Variants in ZDHHC21 observed in about 807,000 individuals in gnomAD.
ZDHHC21 encodes zDHHC palmitoyltransferase 21.
A neutral mutation model predicts 34.6 loss-of-function variants in ZDHHC21; 15 were observed. The ratio of observed to expected loss-of-function variants is 0.43; its 90% confidence interval spans 0.29 to 0.67. The LOEUF is 0.67. ZDHHC21 is among the 30% of genes least tolerant of loss of function. The probability of loss-of-function intolerance (pLI) is 0.14; values close to 1 mark genes in which losing one functional copy is unlikely to be tolerated. For synonymous variants in ZDHHC21, 142 were observed against 101.8 expected (o/e 1.40, Z -2.38); for missense variants, 344 against 327.7 (o/e 1.05, Z -0.38).
At chr9:14,596,152 T>A in the ZDHHC21 span, among the ~76,000 whole-genome samples, 1 of 152,186 alleles carries the variant, frequency 6.6e-6, no homozygotes, top group Non-Finnish European at 1.5e-5. Context: ...TAGAACAAAA[T>A]GGAAAGCAAC....
rs532335006 is a variant in ZDHHC21, at chr9:14,617,709, G to T, written c.*1257C>A. Reference sequence around the variant, plus strand: ...TTTTCATACAAATGTTCTATGCCTTGCAAAAGAACATCACTATTAGTAATT... The same window carrying T: ...TTTTCATACAAATGTTCTATGCCTTTCAAAAGAACATCACTATTAGTAATT... On this transcript the variant is annotated 3_prime_UTR_variant, in exon 10 of 10. Coordinates refer to ENST00000380916, the MANE Select transcript of ZDHHC21 (RefSeq NM_178566.6). The T allele has an allele frequency of 6.6e-6, 1 of 151,922 alleles. No individual in the cohort carries two copies. Among genetic ancestry groups the T allele is most frequent in the South Asian group, 2.1e-4 (1 of 4,820 alleles). The allele number at this position is 151,922 out of a possible 1,614,324, so 9.4% of individuals were successfully genotyped here.
chr9:14,660,948 C>T (rs184004898), intron 6 of ZDHHC21, among the ~76,000 whole-genome samples: 60 of 152,236 alleles, frequency 3.9e-4, no homozygotes, highest in African/African-American at 1.4e-3. Flanking sequence ...ACATGTTTCA[C>T]GTAGCTTTCT....
chr9:14,599,832 G>A, the ZDHHC21 span, among the ~76,000 whole-genome samples: 1 of 152,092 alleles, frequency 6.6e-6, no homozygotes, highest in Non-Finnish European at 1.5e-5. Context: ...TCATCCCTGG[G>A]ATGCAAGGCT....
chr9:14,693,148 C>T, intron 1 of ZDHHC21, 81 bp downstream of exon 1: 1 of 147,422 alleles, frequency 6.8e-6, no homozygotes, highest in Non-Finnish European at 1.3e-5. Flanking sequence ...CAGAGCGGAG[C>T]GGGGGCCGGG....
In ZDHHC21 at chr9:14,614,029, T is replaced by A. The variant is rs1359510074; in HGVS notation, c.*4937A>T. 1 of 151,802 alleles carries A rather than the reference T, an allele frequency of 6.6e-6. No homozygotes were observed. Among genetic ancestry groups the A allele is most frequent in the Non-Finnish European group, 1.5e-5 (1 of 67,798 alleles). 9.4% of individuals were successfully genotyped at this position (151,802 alleles called of 1,614,324 possible). A position where few individuals can be genotyped will look rare whatever the true frequency, so the allele number is the denominator to read the frequency against. On this transcript the variant is annotated 3_prime_UTR_variant, in exon 10 of 10. Transcript: ENST00000380916. Reference sequence around the variant, plus strand: ...AAATAATTCAAACTAAATGCTTATATGCACTAACAACTCTTCCCATAAAAA... The same window carrying A: ...AAATAATTCAAACTAAATGCTTATAAGCACTAACAACTCTTCCCATAAAAA...
intron 6 of ZDHHC21, among the ~76,000 whole-genome samples, chr9:14,660,566 C>T (rs1160279256): frequency 6.6e-6 from 1 of 151,974 alleles, no homozygotes; most frequent in East Asian, 1.9e-4. Context: ...TTCAGCAGTG[C>T]TCTATCAGGA....
intron 2 of ZDHHC21, among the ~76,000 whole-genome samples, chr9:14,687,774 T>C (rs532762186): frequency 6.6e-6 from 1 of 151,102 alleles, no homozygotes; most frequent in Admixed American, 6.5e-5. Flanking sequence ...TAAAATGTCA[T>C]TAAATATTTT....
intron 1 of ZDHHC21, among the ~76,000 whole-genome samples, chr9:14,691,899 A>G (rs4740585): frequency 0.32 from 48,789 of 152,136 alleles, 7,861 homozygotes; most frequent in South Asian, 0.39. Flanking sequence ...TTTCCAAGTA[A>G]GCATGGAAAA....
intron 7 of ZDHHC21, among the ~76,000 whole-genome samples, chr9:14,653,957 C>T (rs990485025): frequency 2.6e-5 from 4 of 151,990 alleles, no homozygotes; most frequent in African/African-American, 9.7e-5. Context: ...CTCCCCAGAA[C>T]TTAAGAGGCC....
At chr9:14,662,386 C>A in intron 5 of ZDHHC21, 60 bp from the exon 6 acceptor site, 1 of 1,282,358 alleles carries the variant, frequency 7.8e-7, no homozygotes, top group Non-Finnish European at 1.1e-6. Context: ...TGAAATTTAC[C>A]AACAGTTGTT....
At chr9:14,649,420 T>G (rs1168973031) in intron 7 of ZDHHC21, among the ~76,000 whole-genome samples, 1 of 152,082 alleles carries the variant, frequency 6.6e-6, no homozygotes, top group Admixed American at 6.6e-5. Flanking sequence ...CAATCTTAAT[T>G]TAATCCTAAA....
chr9:14,645,800 T>C (rs1170605167), intron 7 of ZDHHC21, among the ~76,000 whole-genome samples: 1 of 152,058 alleles, frequency 6.6e-6, no homozygotes, highest in African/African-American at 2.4e-5. Context: ...ATATAATCAG[T>C]AAATATATGA....
chr9:14,594,768 A>G, the ZDHHC21 span, among the ~76,000 whole-genome samples: 2 of 152,206 alleles, frequency 1.3e-5, no homozygotes, highest in Non-Finnish European at 2.9e-5. Flanking sequence ...AAACTAAAAG[A>G]AAATATTTGC....
At chr9:14,670,968 T>C (rs1196410583) in intron 5 of ZDHHC21, among the ~76,000 whole-genome samples, 1 of 152,136 alleles carries the variant, frequency 6.6e-6, no homozygotes, top group Non-Finnish European at 1.5e-5. Context: ...TACATTCTGA[T>C]GTCTAGTGAT....
chr9:14,648,939 A>AT (rs5896640), intron 7 of ZDHHC21, among the ~76,000 whole-genome samples: 56,375 of 150,790 alleles, frequency 0.37, 10,772 homozygotes, highest in Non-Finnish European at 0.41. Context: ...AAAAGTAAAA[A>AT]TTTTTTTTTT....
At position 14,658,771 on chromosome 9, in the gene ZDHHC21, A is replaced by C; in HGVS notation, c.482T>G (p.Leu161Arg). Residue 161 changes from leucine to arginine, a missense_variant, in exon 7 of 10, where the codon CTT (leucine) becomes CGT (arginine). Transcript: ENST00000380916. Reference sequence around the variant, plus strand: ...TACCAAATTACGCTTTTTTAGTGGAAGAAAATAGTAATAGTGGCAGAAAGA... The same window carrying C: ...TACCAAATTACGCTTTTTTAGTGGACGAAAATAGTAATAGTGGCAGAAAGA... ...MFSFCHYYYF[L>R]PLKKRNLDLF... 1 of 1,613,826 alleles carries C rather than the reference A, an allele frequency of 6.2e-7. No homozygotes were observed. The highest frequency in any genetic ancestry group is 8.5e-7 in the Non-Finnish European group (1 of 1,179,916).
At position 14,652,297 on chromosome 9, in the gene ZDHHC21, G is replaced by T. The variant is rs150027141; in HGVS notation, c.504+6452C>A. Among the ~76,000 whole-genome samples, 670 of 151,632 alleles carry T rather than the reference G, an allele frequency of 4.4e-3. 6 individuals carry two copies. The highest frequency in any genetic ancestry group is 0.015 in the African/African-American group (622 of 41,372). On this transcript the variant is annotated intron_variant, in intron 7 of 9. Transcript: ENST00000380916. ...TTTTAGGTTCACAGGCCTTTTTTTA[G>T]TATAAGACTCAGAATATAAATCAAT...
At chr9:14,597,320 T>C in the ZDHHC21 span, among the ~76,000 whole-genome samples, 4 of 151,992 alleles carry the variant, frequency 2.6e-5, no homozygotes, top group African/African-American at 9.7e-5. Context: ...AGCAGAACAA[T>C]GCTGGCTGGA....
chr9:14,635,523 A>G (rs1828134895), intron 8 of ZDHHC21, among the ~76,000 whole-genome samples: 2 of 152,246 alleles, frequency 1.3e-5, no homozygotes, highest in African/African-American at 2.4e-5. Flanking sequence ...AGAAAATGGG[A>G]TAACACATTC....
Sources: gnomAD v4.1 joint callset for allele counts (sites outside exome capture counted in the v4.1 genomes callset) on GRCh38, gnomAD v4.1.1 for gene constraint, MANE v1.5 for transcripts, NCBI Gene and HGNC (gene_info 2026-07-23, HGNC 2026-07-21) for gene names.